Variants in NRG3 observed in about 807,000 individuals in gnomAD.
NRG3 encodes pro-neuregulin-3, membrane-bound isoform.
NRG3 carries 31 observed loss-of-function variants against 66.9 expected under a neutral mutation model. That is an observed-to-expected ratio of 0.46 (90% CI 0.35 to 0.63). NRG3 has a LOEUF of 0.63. Ranked by LOEUF, NRG3 falls within the 20% of genes least tolerant of loss-of-function variation. The pLI is 0.00. For missense variants in NRG3, 910 were observed against 878.9 expected (o/e 1.04, Z -0.45); for synonymous variants, 393 against 359.4 (o/e 1.09, Z -1.06).
intron 1 of NRG3, among the ~76,000 whole-genome samples, chr10:82,046,168 A>G (rs2063284736): frequency 6.7e-6 from 1 of 148,392 alleles, no homozygotes; most frequent in Non-Finnish European, 1.5e-5. Flanking sequence ...CAGCATGGCC[A>G]TTTTCATGAT....
At chr10:82,001,687 A>C (rs1420293031) in intron 1 of NRG3, among the ~76,000 whole-genome samples, 15 of 152,216 alleles carry the variant, frequency 9.9e-5, no homozygotes, top group African/African-American at 2.7e-4. Flanking sequence ...AAACTTGGAA[A>C]ACTTAAGTCA....
At chr10:82,092,840 A>G (rs1483352307) in intron 1 of NRG3, among the ~76,000 whole-genome samples, 1 of 152,198 alleles carries the variant, frequency 6.6e-6, no homozygotes. Flanking sequence ...GACACAAACT[A>G]CTAAATTGGG....
At chr10:82,449,723 C>G (rs1037351211) in intron 2 of NRG3, among the ~76,000 whole-genome samples, 1 of 152,124 alleles carries the variant, frequency 6.6e-6, no homozygotes, top group African/African-American at 2.4e-5. Context: ...TATGTGTGGT[C>G]GCAGGCTGTC....
chr10:81,965,904 G>A (rs1347369294), intron 1 of NRG3, among the ~76,000 whole-genome samples: 1 of 152,014 alleles, frequency 6.6e-6, no homozygotes, highest in Non-Finnish European at 1.5e-5. Flanking sequence ...ATTATTTGGT[G>A]TATGTATTCA....
intron 6 of NRG3, among the ~76,000 whole-genome samples, chr10:82,972,401 G>T (rs1851853920): frequency 6.6e-6 from 1 of 151,760 alleles, no homozygotes; most frequent in Non-Finnish European, 1.5e-5. Context: ...AAATTCTTTG[G>T]ACTTTACTTT....
At chr10:82,391,150 C>A (rs1344442573) in intron 2 of NRG3, among the ~76,000 whole-genome samples, 1 of 152,112 alleles carries the variant, frequency 6.6e-6, no homozygotes, top group African/African-American at 2.4e-5. Flanking sequence ...ACATTGCTAC[C>A]GGTAGCTAAT....
chr10:82,580,211 A>C (rs1179917086), intron 2 of NRG3, among the ~76,000 whole-genome samples: 1 of 151,982 alleles, frequency 6.6e-6, no homozygotes, highest in Non-Finnish European at 1.5e-5. Context: ...AGCCTACTGC[A>C]TCATGTTTAC....
At chr10:82,048,849 C>G (rs1027057402) in intron 1 of NRG3, among the ~76,000 whole-genome samples, 1 of 150,852 alleles carries the variant, frequency 6.6e-6, no homozygotes, top group Non-Finnish European at 1.5e-5. Context: ...TGATAGACCG[C>G]TAGCAAGACT....
intron 2 of NRG3, among the ~76,000 whole-genome samples, chr10:82,416,653 C>T (rs1325512591): frequency 6.6e-6 from 1 of 152,112 alleles, no homozygotes; most frequent in Non-Finnish European, 1.5e-5. Context: ...TAGTCTTGTT[C>T]TACCTTCTCA....
At chr10:82,758,080 C>G (rs2059151172) in intron 3 of NRG3, among the ~76,000 whole-genome samples, 1 of 152,022 alleles carries the variant, frequency 6.6e-6, no homozygotes, top group Non-Finnish European at 1.5e-5. Context: ...CTAGTCAAAA[C>G]AAAGCAGCTT....
At chr10:82,089,428 G>C (rs979597445) in intron 1 of NRG3, among the ~76,000 whole-genome samples, 55 of 152,108 alleles carry the variant, frequency 3.6e-4, no homozygotes, top group African/African-American at 1.2e-3. Context: ...TTATTTCTTT[G>C]CATGATATGG....
At chr10:82,348,822 C>G (rs991847952) in intron 1 of NRG3, among the ~76,000 whole-genome samples, 26 of 151,550 alleles carry the variant, frequency 1.7e-4, no homozygotes, top group Non-Finnish European at 3.4e-4. Flanking sequence ...TTCATTTCAT[C>G]TTCCATTGCT....
intron 2 of NRG3, among the ~76,000 whole-genome samples, chr10:82,648,269 C>A (rs1204906764): frequency 1.3e-5 from 2 of 152,038 alleles, no homozygotes; most frequent in South Asian, 2.1e-4. Flanking sequence ...GGAATCGTTT[C>A]CCCATTGCTT....
Position 82,124,464 on chromosome 10 carries a change from A to C in NRG3, c.824-234275A>C, listed in dbSNP as rs185308004. Among the ~76,000 whole-genome samples the C allele has an allele frequency of 2.0e-5, 3 of 152,140 alleles. No individual in the cohort carries two copies. In the East Asian group the frequency reaches 5.8e-4, roughly 29 times the overall value. Reference sequence around the variant, plus strand: ...TAAAAATATTTAACAAGTTTGGCTAACACAGGAACAGAAAACCAAACACTG... The same window carrying C: ...TAAAAATATTTAACAAGTTTGGCTACCACAGGAACAGAAAACCAAACACTG... On this transcript the variant is annotated intron_variant, in intron 1 of 8. Coordinates refer to ENST00000372141, the MANE Select transcript of NRG3 (RefSeq NM_001010848.4).
intron 3 of NRG3, among the ~76,000 whole-genome samples, chr10:82,822,318 T>G (rs1449937506): frequency 6.6e-6 from 1 of 151,878 alleles, no homozygotes; most frequent in Admixed American, 6.6e-5. Flanking sequence ...GGACAGGTGT[T>G]GATGCACATC....
At chr10:82,556,156 C>T (rs948492184) in intron 2 of NRG3, among the ~76,000 whole-genome samples, 5 of 152,130 alleles carry the variant, frequency 3.3e-5, no homozygotes, top group African/African-American at 7.2e-5. Context: ...AGGATTCTTC[C>T]TGTCTCTCAG....
intron 1 of NRG3, among the ~76,000 whole-genome samples, chr10:81,991,846 T>C (rs114815682): frequency 0.015 from 2,333 of 152,256 alleles, 62 homozygotes; most frequent in African/African-American, 0.053. Flanking sequence ...AAGAGGTAGC[T>C]CTTTATTCTC....
rs538482926 is a variant in NRG3, at chr10:82,619,215, A to G, written c.954-119362A>G. On this transcript the variant is annotated intron_variant, in intron 2 of 8. Transcript: ENST00000372141. ...ATTTAGGAAAAAGAAAATGCAGTGT[A>G]AAAAATAAAGAATAAAAAAGTTTTC... 2.6e-3 allele frequency among the ~76,000 whole-genome samples: 399 copies of G among 152,306 alleles called. 2 individuals carry two copies. Among genetic ancestry groups the G allele is most frequent in the African/African-American group, 9.4e-3 (390 of 41,578 alleles).
intron 1 of NRG3, among the ~76,000 whole-genome samples, chr10:82,106,404 G>C (rs1404605608): frequency 6.6e-6 from 1 of 152,126 alleles, no homozygotes; most frequent in African/African-American, 2.4e-5. Flanking sequence ...ATACAAATCA[G>C]GCTTATAAAC....
Sources: gnomAD v4.1 joint callset for allele counts (sites outside exome capture counted in the v4.1 genomes callset) on GRCh38, gnomAD v4.1.1 for gene constraint, MANE v1.5 for transcripts, NCBI Gene and HGNC (gene_info 2026-07-23, HGNC 2026-07-21) for gene names.